Variants in PDE1C observed in about 807,000 individuals in gnomAD.
The protein encoded by PDE1C is phosphodiesterase 1C, also known as dual specificity calcium/calmodulin-dependent 3',5'-cyclic nucleotide phosphodiesterase 1C.
In PDE1C, 62 loss-of-function variants were observed where a neutral mutation model predicts 93.1. That is an observed-to-expected ratio of 0.67 (90% CI 0.54 to 0.82). PDE1C has a LOEUF of 0.82. Ranked by LOEUF, PDE1C falls within the 40% of genes least tolerant of loss-of-function variation. The probability of loss-of-function intolerance (pLI) is 0.00; values close to 1 mark genes in which losing one functional copy is unlikely to be tolerated. For missense variants in PDE1C, 742 were observed against 884.6 expected (o/e 0.84, Z 2.04); for synonymous variants, 325 against 310.1 (o/e 1.05, Z -0.50).
At chr7:32,358,506 C>T (rs868544325) in intron 1 of PDE1C, among the ~76,000 whole-genome samples, 4 of 152,180 alleles carry the variant, frequency 2.6e-5, no homozygotes, top group Admixed American at 1.3e-4. Flanking sequence ...ATAAAGAACT[C>T]TGCTGAGCTC....
rs1307044005 is a variant in PDE1C at position 32,292,212 on chromosome 7, A to C, written c.85+6439T>G. ...TTTTTAAAAATTTAAAATATATTTT[A>C]GGACTACATTGAAATGAAGAATATA... On this transcript the variant is annotated intron_variant, in intron 1 of 18. Coordinates refer to the PDE1C transcript ENST00000396193. Among the ~76,000 whole-genome samples, 8 of 152,274 alleles carry C rather than the reference A, an allele frequency of 5.3e-5. 1 individual carries two copies. The East Asian group carries it at 1.5e-3, about 29-fold the overall frequency.
chr7:31,686,698 G>A, the PDE1C span: 2 of 152,164 alleles, frequency 1.3e-5, no homozygotes, highest in Non-Finnish European at 2.9e-5. Context: ...ATCTCACAAG[G>A]TTGGCCTGAG....
At chr7:32,124,085 T>C (rs950341441) in intron 3 of PDE1C, among the ~76,000 whole-genome samples, 1 of 152,136 alleles carries the variant, frequency 6.6e-6, no homozygotes, top group Non-Finnish European at 1.5e-5. Flanking sequence ...AGCCAAATCA[T>C]GAATGAACTC....
chr7:31,937,016 A>C (rs1048206393), intron 2 of PDE1C, among the ~76,000 whole-genome samples: 4 of 152,302 alleles, frequency 2.6e-5, no homozygotes, highest in African/African-American at 9.6e-5. Flanking sequence ...GGGTGCTTCC[A>C]GGTCATAGGT....
intron 2 of PDE1C, among the ~76,000 whole-genome samples, chr7:32,011,947 A>G (rs553222361): frequency 6.6e-6 from 1 of 152,358 alleles, no homozygotes; most frequent in Admixed American, 6.5e-5. Context: ...CAGTGAATAA[A>G]TTAGAATATT....
chr7:32,375,734 C>G (rs215715), intron 1 of PDE1C, among the ~76,000 whole-genome samples: 113,351 of 152,286 alleles, frequency 0.74, 44,562 homozygotes, highest in East Asian at 0.98. Flanking sequence ...GCTTGATGGC[C>G]TGGGCCAGTG....
At chr7:32,237,767 T>TATATATATATAA (rs1252747319) in intron 1 of PDE1C, among the ~76,000 whole-genome samples, 1 of 40,506 alleles carries the variant, frequency 2.5e-5, no homozygotes, top group African/African-American at 8.9e-5. Flanking sequence ...TATATACTTT[T>TATATATATATAA]TTTTTTTTTT....
At chr7:32,003,159 C>G (rs1043528402) in intron 2 of PDE1C, among the ~76,000 whole-genome samples, 2 of 152,172 alleles carry the variant, frequency 1.3e-5, no homozygotes, top group African/African-American at 4.8e-5. Flanking sequence ...GAGATCCAAT[C>G]AACAGCTTCT....
At chr7:31,891,244 T>C (rs780462605) in intron 2 of PDE1C, among the ~76,000 whole-genome samples, 4 of 152,156 alleles carry the variant, frequency 2.6e-5, no homozygotes, top group Non-Finnish European at 5.9e-5. Flanking sequence ...CCAGAAGCCA[T>C]AGTCACCTAA....
At chr7:32,016,546 A>C (rs1046939176) in intron 2 of PDE1C, among the ~76,000 whole-genome samples, 4 of 152,224 alleles carry the variant, frequency 2.6e-5, no homozygotes, top group African/African-American at 9.6e-5. Flanking sequence ...TATAAATAGA[A>C]GTATGTGCAA....
the PDE1C span, among the ~76,000 whole-genome samples, chr7:31,657,114 A>T: frequency 1.1e-3 from 1 of 870 alleles, no homozygotes; most frequent in Non-Finnish European, 2.7e-3. Context: ...AATATATATA[A>T]AATCATATAT....
intron 2 of PDE1C, among the ~76,000 whole-genome samples, chr7:31,955,727 A>T (rs1808039739): frequency 6.6e-6 from 1 of 152,186 alleles, no homozygotes. Context: ...ACGTAAAAAA[A>T]TTGAGGGTCC....
In PDE1C at chr7:32,345,128, G is replaced by T. The variant is rs182816126; in HGVS notation, c.310+82694C>A. ...CTTCTGGAAAAATTCCTCACACAGG[G>T]CCTCAGGATCCCCCATCCCTGAAAT... On this transcript the variant is annotated intron_variant, in intron 1 of 1. Coordinates refer to the PDE1C transcript ENST00000672256. 3.3e-3 allele frequency among the ~76,000 whole-genome samples: 497 copies of T among 152,140 alleles called. 3 individuals carry two copies. The highest frequency in any genetic ancestry group is 0.011 in the African/African-American group (465 of 41,504).
intron 3 of PDE1C, among the ~76,000 whole-genome samples, chr7:32,127,931 C>G (rs1313116251): frequency 6.6e-6 from 1 of 151,718 alleles, no homozygotes; most frequent in Non-Finnish European, 1.5e-5. Flanking sequence ...AAGAAAAGGA[C>G]AGCAATGAAA....
intron 7 of PDE1C, among the ~76,000 whole-genome samples, chr7:31,856,031 T>C (rs187922797): frequency 9.7e-4 from 148 of 152,334 alleles, no homozygotes; most frequent in African/African-American, 3.4e-3. Context: ...AAGTATCTTC[T>C]AGGCACTTAA....
chr7:31,721,471 G>A, the PDE1C span, among the ~76,000 whole-genome samples: 1 of 152,174 alleles, frequency 6.6e-6, no homozygotes, highest in Admixed American at 6.5e-5. Flanking sequence ...CCACATGTGG[G>A]TACTGGCTAC....
chr7:32,092,180 A>AGC (rs1459829519), intron 3 of PDE1C, among the ~76,000 whole-genome samples: 8 of 150,940 alleles, frequency 5.3e-5, no homozygotes, highest in Non-Finnish European at 5.9e-5. Context: ...AGAGAGAGAG[A>AGC]GAGAGACTTA....
At chr7:32,181,850 T>C (rs1803460742) in intron 2 of PDE1C, among the ~76,000 whole-genome samples, 2 of 152,258 alleles carry the variant, frequency 1.3e-5, no homozygotes, top group Non-Finnish European at 2.9e-5. Context: ...AAAAAATCAA[T>C]GAATCCAGGA....
intron 1 of PDE1C, among the ~76,000 whole-genome samples, chr7:32,066,638 A>G (rs950329772): frequency 2.0e-5 from 3 of 152,128 alleles, no homozygotes; most frequent in Non-Finnish European, 2.9e-5. Flanking sequence ...TCATAACCCA[A>G]TTGCTCAAAC....
Sources: allele counts gnomAD v4.1 joint callset (sites outside exome capture counted in the v4.1 genomes callset), GRCh38; gene constraint gnomAD v4.1.1; transcripts MANE v1.5; gene names NCBI Gene and HGNC (gene_info 2026-07-23, HGNC 2026-07-21).